The following ARL6IP1 variants were observed in gnomAD, a reference collection of about 807,000 sequenced individuals.
ARL6IP1 encodes the protein ADP-ribosylation factor-like protein 6-interacting protein 1.
Under a neutral mutation model 30.1 loss-of-function variants are expected in ARL6IP1, and 16 were observed. The ratio of observed to expected loss-of-function variants is 0.53; its 90% CI spans 0.36 to 0.81. ARL6IP1 has a LOEUF of 0.81. Among genes scored for constraint, ARL6IP1 ranks in the 30% least tolerant of loss-of-function variants. The probability of loss-of-function intolerance (pLI) is 0.01; values close to 1 mark genes in which losing one functional copy is unlikely to be tolerated. For missense variants in ARL6IP1, 173 were observed against 242.7 expected, an observed-to-expected ratio of 0.71 and a Z score of 1.91; for synonymous variants, 72 against 84.8, an observed-to-expected ratio of 0.85 and a Z score of 0.83.
At chr16:18,801,239 A>T in intron 1 of ARL6IP1, 192 bp downstream of exon 1, 3 of 1,419,648 alleles carry the variant, frequency 2.1e-6, no homozygotes, top group Admixed American at 2.9e-5. Context: ...CCCGTCGCGC[A>T]CCGTCCCCAG....
In ARL6IP1 at chr16:18,792,687, C is replaced by CTAGT. The variant is rs1310442168; in HGVS notation, c.*561_*564dup. On this transcript the variant is annotated 3_prime_UTR_variant, in exon 6 of 6. Transcript: ENST00000304414. ...TGCACAAGGGAGAAGCCTACATGTA[C>CTAGT]TAGTGCATGGAATCAGTTTCATCTT... is the stretch of plus-strand genomic sequence containing the variant. 3.3e-5 allele frequency: 5 copies of CTAGT among 152,656 alleles called. No homozygotes were observed. The highest frequency in any genetic ancestry group is 7.3e-5 in the Non-Finnish European group (5 of 68,042). 9.5% of individuals were successfully genotyped at this position (152,656 alleles called of 1,614,324 possible). A position where few individuals can be genotyped will look rare whatever the true frequency, so the allele number is the denominator to read the frequency against.
In ARL6IP1 at chr16:18,798,040, T is replaced by A; in HGVS notation, c.175A>T (p.Ile59Phe). 6.3e-7 allele frequency: 1 copy of A among 1,581,822 alleles called. No homozygotes were observed. The highest frequency in any genetic ancestry group is 8.6e-7 in the Non-Finnish European group (1 of 1,169,430). The change falls in exon 3 of 6, where the codon ATC (isoleucine) becomes TTC (phenylalanine). Residue 59 changes from isoleucine to phenylalanine, a missense_variant. Ile to Phe is a conservative substitution (Grantham distance 21, BLOSUM62 0). Coordinates refer to ENST00000304414, the MANE Select transcript of ARL6IP1 (RefSeq NM_015161.3). ...AGAACAGATGGATCTAGATAGTAGA[T>A]AATCCTGTTAAAAAAATTAATAAAG... Reference protein sequence around the residue: ...MGVVSLVFLIIYYLDPSVLSG... With the variant: ...MGVVSLVFLIFYYLDPSVLSG...
At chr16:18,794,152 A>AT (rs1416548729) in intron 5 of ARL6IP1, among the ~76,000 whole-genome samples, 1 of 152,060 alleles carries the variant, frequency 6.6e-6, no homozygotes, top group Non-Finnish European at 1.5e-5. Context: ...GGGTTTCGCC[A>AT]TGTTGGCTAG....
chr16:18,793,707 G>A lies in ARL6IP1; in HGVS notation c.494-337C>T, dbSNP rs147667585. Among the ~76,000 whole-genome samples the A allele has an allele frequency of 6.1e-4, 90 of 148,106 alleles. 1 individual carries two copies. The highest frequency in any genetic ancestry group is 1.3e-3 in the African/African-American group (54 of 40,136). On this transcript the variant is annotated intron_variant, in intron 5 of 5. Transcript: ENST00000304414. ...CAGCCTCCCAGAGTGCTGGGATTAC[G>A]GGCGTGAGCCACCACACCCAGCGAC...
chr16:18,796,395 A>G (rs1214958913), intron 3 of ARL6IP1, among the ~76,000 whole-genome samples: 3 of 152,242 alleles, frequency 2.0e-5, no homozygotes, highest in African/African-American at 7.2e-5. Context: ...CTTCTTTTCA[A>G]CAATGAGATG....
At chr16:18,797,566 C>T (rs1299550333) in intron 3 of ARL6IP1, 1 of 181,782 alleles carries the variant, frequency 5.5e-6, no homozygotes, top group Non-Finnish European at 1.2e-5. Flanking sequence ...CAGTACTTTA[C>T]AGGGCCTGCC....
intron 1 of ARL6IP1, 40 bp downstream of exon 1, chr16:18,801,391 G>A (rs2030406580): frequency 6.2e-7 from 1 of 1,609,732 alleles, no homozygotes; most frequent in Admixed American, 1.7e-5. Flanking sequence ...ACGTCTGGAG[G>A]CCTCGCTCGG....
chr16:18,795,646 G>T, intron 3 of ARL6IP1, 65 bp from the exon 4 acceptor site: 1 of 1,028,152 alleles, frequency 9.7e-7, no homozygotes, highest in Non-Finnish European at 1.5e-6. Context: ...ATGACACCCT[G>T]TTCAATTTAA....
intron 5 of ARL6IP1, among the ~76,000 whole-genome samples, chr16:18,793,990 G>C (rs560587138): frequency 1.2e-3 from 181 of 151,978 alleles, no homozygotes; most frequent in Admixed American, 2.1e-3. Flanking sequence ...GTGGTGGGTG[G>C]GGGGGGTGGT....
At chr16:18,801,278 C>T (rs2030401340) in intron 1 of ARL6IP1, 153 bp downstream of exon 1, 1 of 1,469,478 alleles carries the variant, frequency 6.8e-7, no homozygotes, top group Non-Finnish European at 9.0e-7. Flanking sequence ...ACCCAGGAGT[C>T]ACCCAAGAAG....
intron 2 of ARL6IP1, 183 bp downstream of exon 2, chr16:18,798,518 C>G: frequency 1.6e-6 from 1 of 630,862 alleles, no homozygotes; most frequent in Non-Finnish European, 2.4e-6. Context: ...CTTTAGGTTA[C>G]CAAGTTTACA....
chr16:18,801,083 G>T, intron 1 of ARL6IP1: 2 of 841,206 alleles, frequency 2.4e-6, no homozygotes, highest in Non-Finnish European at 1.6e-6. Context: ...AGCCGAATAC[G>T]GCTGGGGCCT....
rs1318561267 is a variant in ARL6IP1 at position 18,792,276 on chromosome 16, A to C, written c.*976T>G. The C allele has an allele frequency of 6.6e-6, 1 of 152,186 alleles. No homozygotes were observed. Among genetic ancestry groups the C allele is most frequent in the Non-Finnish European group, 1.5e-5 (1 of 68,034 alleles). The allele number at this position is 152,186 out of a possible 1,614,324, so 9.4% of individuals were successfully genotyped here. A position where few individuals can be genotyped will look rare whatever the true frequency, so the allele number is the denominator to read the frequency against. On this transcript the variant is annotated 3_prime_UTR_variant, in exon 6 of 6. Coordinates refer to ENST00000304414, the MANE Select transcript of ARL6IP1 (RefSeq NM_015161.3). ...CTATCTCCCATGTCAAACCTAGGGG[A>C]CTAAAATGGTCAGTATTACCATAAA... is the stretch of plus-strand genomic sequence containing the variant.
In ARL6IP1 at chr16:18,792,876, A is replaced by G. The variant is rs1194007221; in HGVS notation, c.*376T>C. The G allele has an allele frequency of 6.5e-6, 1 of 154,862 alleles. No individual in the cohort carries two copies. The highest frequency in any genetic ancestry group is 1.4e-5 in the Non-Finnish European group (1 of 69,614). The allele number at this position is 154,862 out of a possible 1,614,324, so 9.6% of individuals were successfully genotyped here. On this transcript the variant is annotated 3_prime_UTR_variant, in exon 6 of 6. Coordinates refer to ENST00000304414, the MANE Select transcript of ARL6IP1 (RefSeq NM_015161.3). Reference sequence around the variant, plus strand: ...CAGAACCAGCTTCCTGTAGCCACAGACCACTACATGGTATCTAAGCTAAAG... The same window carrying G: ...CAGAACCAGCTTCCTGTAGCCACAGGCCACTACATGGTATCTAAGCTAAAG...
At chr16:18,793,431 CTTTT>C (rs34143424) in intron 5 of ARL6IP1, 61 bp from the exon 6 acceptor site, 1,492 of 605,762 alleles carry the variant, frequency 2.5e-3, no homozygotes, top group South Asian at 3.7e-3. Flanking sequence ...AAGGTTATTA[CTTTT>C]TTTTTTTTTT....
In ARL6IP1 at chr16:18,798,031, G is replaced by A. The variant is rs2030293522; in HGVS notation, c.184C>T (p.Leu62=). 4 of 1,600,900 alleles carry A rather than the reference G, an allele frequency of 2.5e-6. No homozygotes were observed. Among genetic ancestry groups the A allele is most frequent in the Non-Finnish European group, 3.4e-6 (4 of 1,175,888 alleles). Residue 62 remains leucine (L), a synonymous_variant, in exon 3 of 6, where the codon CTA becomes TTA. Coordinates refer to ENST00000304414, the MANE Select transcript of ARL6IP1 (RefSeq NM_015161.3). ...ACGCCGGACAGAACAGATGGATCTA[G>A]ATAGTAGATAATCCTGTTAAAAAAA... ...VSLVFLIIYY[L]DPSVLSGVSC... is the part of the protein sequence containing the mutation.
Position 18,793,258 on chromosome 16 carries a change from G to A in ARL6IP1, c.606C>T (p.Asn202=), listed in dbSNP as rs756842415. 13 of 1,602,874 alleles carry A rather than the reference G, an allele frequency of 8.1e-6. No homozygotes were observed. The highest frequency in any genetic ancestry group is 3.4e-5 in the Admixed American group (2 of 59,566). The change falls in exon 6 of 6, where the codon AAC becomes AAT. Residue 202 remains asparagine, a synonymous_variant. Coordinates refer to ENST00000304414, the MANE Select transcript of ARL6IP1 (RefSeq NM_015161.3). The part of the protein sequence containing the change: ...NKLLKQKEKK[N]E ...ACTGATTAAAGCAGATGAATCATTC[G>A]TTTTTCTTTTCTTTTTGTTTGAGAA... is the stretch of plus-strand genomic sequence containing the variant.
chr16:18,798,152 T>A (rs764668479), intron 2 of ARL6IP1, 108 bp from the exon 3 acceptor site: 18 of 1,142,358 alleles, frequency 1.6e-5, no homozygotes, highest in Non-Finnish European at 2.2e-5. Context: ...TCAGAGATAT[T>A]TGCCATTTTT....
At chr16:18,795,810 T>C (rs113266836) in intron 3 of ARL6IP1, among the ~76,000 whole-genome samples, 25 of 152,264 alleles carry the variant, frequency 1.6e-4, no homozygotes, top group African/African-American at 5.8e-4. Flanking sequence ...TGTGTGTGTG[T>C]GCGTGTGATA....
Sources: gnomAD v4.1 joint callset for allele counts (sites outside exome capture counted in the v4.1 genomes callset) on GRCh38, gnomAD v4.1.1 for gene constraint, MANE v1.5 for transcripts, NCBI Gene and HGNC (gene_info 2026-07-23, HGNC 2026-07-21) for gene names.